ATE1: variants seen among roughly 807,000 people sequenced by gnomAD.
ATE1 encodes the protein arginyl-tRNA--protein transferase 1.
In ATE1, 36 loss-of-function variants were observed where a neutral mutation model predicts 70.5. The observed-to-expected ratio is 0.51, with a 90% CI of 0.39 to 0.67. The LOEUF (loss-of-function observed/expected upper bound fraction) is 0.67. ATE1 is among the 30% of genes least tolerant of loss of function. ATE1 has a pLI of 0.00. For synonymous variants in ATE1, 232 were observed against 219.3 expected, an observed-to-expected ratio of 1.06 and a Z score of -0.51; for missense variants, 593 against 629.5, an observed-to-expected ratio of 0.94 and a Z score of 0.62.
intron 11 of ATE1, among the ~76,000 whole-genome samples, chr10:121,759,567 C>CA (rs1470681606): frequency 6.6e-6 from 1 of 151,580 alleles, no homozygotes; most frequent in African/African-American, 2.4e-5. Context: ...ACTAAAAATA[C>CA]AAAAAAATTA....
intron 11 of ATE1, among the ~76,000 whole-genome samples, chr10:121,747,919 T>C (rs1049756797): frequency 6.6e-6 from 1 of 152,154 alleles, no homozygotes; most frequent in African/African-American, 2.4e-5. Context: ...TGTGTGCACA[T>C]TGCAACATGA....
At chr10:121,764,367 T>C (rs1475064580) in intron 11 of ATE1, among the ~76,000 whole-genome samples, 1 of 151,944 alleles carries the variant, frequency 6.6e-6, no homozygotes, top group Non-Finnish European at 1.5e-5. Context: ...CTGGGCACAG[T>C]GGCTCACACA....
chr10:121,808,291 G>T (rs1016454243), intron 10 of ATE1, among the ~76,000 whole-genome samples: 4 of 152,166 alleles, frequency 2.6e-5, no homozygotes, highest in Non-Finnish European at 1.5e-5. Flanking sequence ...ACCAGATATG[G>T]AAAGTACACA....
In ATE1 at chr10:121,790,061, TCTATAATATACAAAG is replaced by T. The variant is rs1265438036; in HGVS notation, c.1378+93_1378+107del. ...ACACACACACTCATGCACAGCATACTCTATAATATACAAAGCTACCTGGACCCTGTTAAGAGCCAC... is the reference window on the plus strand; with the variant it reads ...ACACACACACTCATGCACAGCATACTCTACCTGGACCCTGTTAAGAGCCAC... On this transcript the variant is annotated intron_variant, in intron 11 of 11. Coordinates refer to ENST00000224652, the MANE Select transcript of ATE1 (RefSeq NM_001001976.3). 2.7e-6 allele frequency: 4 copies of T among 1,461,372 alleles called. No homozygotes were observed. The African/African-American group carries it at 5.6e-5, about 21-fold the overall frequency. 90.5% of individuals were successfully genotyped at this position (1,461,372 alleles called of 1,614,324 possible). A position where few individuals can be genotyped will look rare whatever the true frequency, so the allele number is the denominator to read the frequency against.
intron 8 of ATE1, among the ~76,000 whole-genome samples, chr10:121,850,058 A>G (rs902383065): frequency 5.9e-5 from 9 of 152,190 alleles, no homozygotes. Context: ...TATCTATAAG[A>G]GTGGTCACGT....
intron 7 of ATE1, among the ~76,000 whole-genome samples, chr10:121,884,624 G>A (rs1298532943): frequency 2.0e-5 from 3 of 152,064 alleles, no homozygotes; most frequent in South Asian, 2.1e-4. Flanking sequence ...GGAAAAGAGT[G>A]GAAGGGAGAG....
chr10:121,882,938 GC>G (rs1178153136), intron 7 of ATE1, among the ~76,000 whole-genome samples: 1 of 152,048 alleles, frequency 6.6e-6, no homozygotes, highest in African/African-American at 2.4e-5. Flanking sequence ...CAATTATCAA[GC>G]TACTCCAGAA....
intron 10 of ATE1, among the ~76,000 whole-genome samples, chr10:121,806,830 G>C (rs146240252): frequency 1.3e-5 from 2 of 152,166 alleles, no homozygotes; most frequent in African/African-American, 2.4e-5. Flanking sequence ...GAACGTACAC[G>C]GGTGTTCATT....
At chr10:121,813,318 G>C (rs1176257744) in intron 10 of ATE1, among the ~76,000 whole-genome samples, 1 of 152,146 alleles carries the variant, frequency 6.6e-6, no homozygotes, top group Non-Finnish European at 1.5e-5. Context: ...TATTTTGCCA[G>C]CTCTTTATCC....
rs1951002123 is a variant in ATE1, at chr10:121,902,077, T to C, written c.813+314A>G. On this transcript the variant is annotated intron_variant, in intron 6 of 11. Coordinates refer to ENST00000224652, the MANE Select transcript of ATE1 (RefSeq NM_001001976.3). ...AACCAAAACTGCTAAAAACACAATT[T>C]TAAAGAGTATTTCTTTCATTTTAAC... Among the ~76,000 whole-genome samples the C allele has an allele frequency of 2.6e-5, 4 of 152,200 alleles. No homozygotes were observed. The South Asian group carries it at 8.3e-4, about 31-fold the overall frequency.
Position 121,878,810 on chromosome 10 carries a change from A to G in ATE1, c.943-8772T>C, listed in dbSNP as rs564380730. ...CAATTATCTAGTTCACCTCTTTTAC[A>G]TACTGAGATCCAAAAATGTTACATT... On this transcript the variant is annotated intron_variant, in intron 7 of 11. Transcript: ENST00000224652. 2.8e-4 allele frequency among the ~76,000 whole-genome samples: 43 copies of G among 152,296 alleles called. 2 individuals carry two copies. In the South Asian group the frequency reaches 8.1e-3, roughly 29 times the overall value.
In ATE1 at chr10:121,795,765, A is replaced by G. The variant is rs150983524; in HGVS notation, c.1258-5476T>C. ...TAAGCTGGTCGAGAGTTAAATGACC[A>G]AAGTGCTTAAAGCTCAATTCAAAGT... On this transcript the variant is annotated intron_variant, in intron 10 of 11. Transcript: ENST00000224652. 7.4e-3 allele frequency among the ~76,000 whole-genome samples: 1,127 copies of G among 152,354 alleles called. 11 individuals carry two copies. The highest frequency in any genetic ancestry group is 0.011 in the Non-Finnish European group (767 of 68,020).
chr10:121,830,475 G>A (rs1948194931), intron 10 of ATE1, among the ~76,000 whole-genome samples: 1 of 152,114 alleles, frequency 6.6e-6, no homozygotes, highest in African/African-American at 2.4e-5. Flanking sequence ...GCAGATGCAA[G>A]TGCCATGCCC....
intron 10 of ATE1, among the ~76,000 whole-genome samples, chr10:121,792,462 C>T (rs897004400): frequency 2.0e-5 from 3 of 152,272 alleles, no homozygotes; most frequent in African/African-American, 7.2e-5. Flanking sequence ...GTGCTCACTG[C>T]ACTGTTGCTG....
At chr10:121,752,241 T>G in intron 11 of ATE1, among the ~76,000 whole-genome samples, 1 of 141,998 alleles carries the variant, frequency 7.0e-6, no homozygotes. Context: ...AAGGTTTTTT[T>G]TTTTTTTGAG....
intron 7 of ATE1, among the ~76,000 whole-genome samples, chr10:121,880,936 T>G (rs2134110564): frequency 6.6e-6 from 1 of 152,262 alleles, no homozygotes; most frequent in South Asian, 2.1e-4. Context: ...TAAAGACAAA[T>G]GGCACTCACA....
At chr10:121,837,273 A>T (rs1181898765) in intron 9 of ATE1, among the ~76,000 whole-genome samples, 8 of 152,218 alleles carry the variant, frequency 5.3e-5, no homozygotes, top group Admixed American at 6.5e-5. Context: ...TATGACATCT[A>T]ATTCATTCCT....
chr10:121,919,898 G>A (rs985450810), intron 3 of ATE1, among the ~76,000 whole-genome samples: 6 of 152,024 alleles, frequency 3.9e-5, no homozygotes, highest in Admixed American at 2.0e-4. Flanking sequence ...ACTCAGTCTC[G>A]GTGGGGAGGA....
At chr10:121,863,256 T>C (rs1949539970) in intron 8 of ATE1, among the ~76,000 whole-genome samples, 1 of 148,578 alleles carries the variant, frequency 6.7e-6, no homozygotes, top group African/African-American at 2.5e-5. Context: ...AGTCTACTTT[T>C]TTTTTTTTTT....
Sources: allele counts gnomAD v4.1 joint callset (sites outside exome capture counted in the v4.1 genomes callset), GRCh38; gene constraint gnomAD v4.1.1; transcripts MANE v1.5; gene names NCBI Gene and HGNC (gene_info 2026-07-23, HGNC 2026-07-21).